Variants in RABGAP1L observed in about 807,000 individuals in gnomAD.
RABGAP1L encodes the protein rab GTPase-activating protein 1-like.
A neutral mutation model predicts 137.7 loss-of-function variants in RABGAP1L; 63 were observed. The ratio of observed to expected loss-of-function variants is 0.46; its 90% CI spans 0.37 to 0.56. The LOEUF is 0.56. Among genes scored for constraint, RABGAP1L ranks in the 20% least tolerant of loss-of-function variants. The pLI, the probability that RABGAP1L is intolerant of heterozygous loss-of-function variation, is 0.00. For missense variants in RABGAP1L, 1,095 were observed against 1,244.0 expected, an observed-to-expected ratio of 0.88 and a Z score of 1.80; for synonymous variants, 431 against 433.7, an observed-to-expected ratio of 0.99 and a Z score of 0.08.
chr1:174,273,783 G>C (rs1018469253), intron 8 of RABGAP1L, among the ~76,000 whole-genome samples: 1 of 152,088 alleles, frequency 6.6e-6, no homozygotes, highest in African/African-American at 2.4e-5. Context: ...CAGAATTATA[G>C]AACTGGTATA....
chr1:174,508,474 T>C (rs1416507326), intron 13 of RABGAP1L, among the ~76,000 whole-genome samples: 2 of 152,186 alleles, frequency 1.3e-5, no homozygotes, highest in South Asian at 2.1e-4. Flanking sequence ...TTCTGCCATG[T>C]TCTTTTTGGA....
intron 13 of RABGAP1L, among the ~76,000 whole-genome samples, chr1:174,577,589 AAAT>A: frequency 6.6e-6 from 1 of 152,240 alleles, no homozygotes; most frequent in Admixed American, 6.5e-5. Flanking sequence ...CAGTCATTGG[AAAT>A]AATATGGCCA....
chr1:174,924,792 C>G (rs986461533), intron 19 of RABGAP1L, among the ~76,000 whole-genome samples: 1 of 152,078 alleles, frequency 6.6e-6, no homozygotes, highest in African/African-American at 2.4e-5. Context: ...CTATTACAGA[C>G]CCCGAGAATT....
chr1:174,616,022 T>C (rs772214698), intron 13 of RABGAP1L, among the ~76,000 whole-genome samples: 21 of 152,128 alleles, frequency 1.4e-4, no homozygotes, highest in Non-Finnish European at 8.8e-5. Context: ...CCTGACCCCT[T>C]GCACTTCCTG....
At chr1:174,606,961 A>C (rs1226387091) in intron 13 of RABGAP1L, among the ~76,000 whole-genome samples, 1 of 152,222 alleles carries the variant, frequency 6.6e-6, no homozygotes, top group Non-Finnish European at 1.5e-5. Flanking sequence ...ATCAAGAATA[A>C]AACCCAAGTA....
chr1:174,808,032 G>T (rs375338497), intron 18 of RABGAP1L, among the ~76,000 whole-genome samples: 110 of 148,284 alleles, frequency 7.4e-4, no homozygotes, highest in Non-Finnish European at 7.1e-4. Flanking sequence ...AGGCTGGAGT[G>T]CAGTGCAGTG....
chr1:174,748,038 T>G (rs1292728265), intron 17 of RABGAP1L, among the ~76,000 whole-genome samples: 1 of 152,192 alleles, frequency 6.6e-6, no homozygotes, highest in Admixed American at 6.6e-5. Context: ...CCAAACTAAC[T>G]GGAAGTATGT....
At chr1:174,527,206 T>A (rs868631029) in intron 13 of RABGAP1L, among the ~76,000 whole-genome samples, 2,970 of 75,480 alleles carry the variant, frequency 0.039, 105 homozygotes, top group African/African-American at 0.22. Context: ...TTTATTTTGT[T>A]TTTTTTTTTT....
At chr1:174,362,175 G>T (rs1684206118) in intron 11 of RABGAP1L, among the ~76,000 whole-genome samples, 1 of 152,084 alleles carries the variant, frequency 6.6e-6, no homozygotes, top group Non-Finnish European at 1.5e-5. Flanking sequence ...TCTTTATCCA[G>T]TCTATCATTG....
intron 13 of RABGAP1L, among the ~76,000 whole-genome samples, chr1:174,589,623 C>T (rs563475647): frequency 3.3e-5 from 5 of 152,012 alleles, no homozygotes; most frequent in Non-Finnish European, 7.4e-5. Context: ...TCCACTTTTA[C>T]TTGATTTTTA....
chr1:174,260,674 G>A (rs540986575), intron 7 of RABGAP1L, among the ~76,000 whole-genome samples: 1 of 152,296 alleles, frequency 6.6e-6, no homozygotes, highest in Admixed American at 6.5e-5. Flanking sequence ...ACCACATACA[G>A]AAATATTGCA....
intron 1 of RABGAP1L, among the ~76,000 whole-genome samples, chr1:174,179,730 GTAT>G (rs1666201076): frequency 6.6e-6 from 1 of 152,178 alleles, no homozygotes; most frequent in Admixed American, 6.5e-5. Context: ...TAATGTCTCA[GTAT>G]TATTAGGAAA....
At chr1:174,430,366 A>G (rs1395761789) in intron 13 of RABGAP1L, among the ~76,000 whole-genome samples, 1 of 152,020 alleles carries the variant, frequency 6.6e-6, no homozygotes, top group Non-Finnish European at 1.5e-5. Context: ...TGAAAAAAAA[A>G]AAAAAATTTT....
At chr1:174,920,798 C>CA (rs1661666179) in intron 19 of RABGAP1L, among the ~76,000 whole-genome samples, 1 of 152,208 alleles carries the variant, frequency 6.6e-6, no homozygotes, top group Non-Finnish European at 1.5e-5. Context: ...TGGCCATCTA[C>CA]AAGCCACGAA....
At chr1:174,296,819 G>A (rs1234753847) in intron 10 of RABGAP1L, among the ~76,000 whole-genome samples, 1 of 151,986 alleles carries the variant, frequency 6.6e-6, no homozygotes, top group African/African-American at 2.4e-5. Context: ...GATTTAATGG[G>A]CTATTATTTC....
At chr1:174,750,216 TG>T (rs1301044175) in intron 17 of RABGAP1L, among the ~76,000 whole-genome samples, 2 of 152,226 alleles carry the variant, frequency 1.3e-5, no homozygotes, top group African/African-American at 4.8e-5. Context: ...CGTTGGAATT[TG>T]GTATCTTATT....
chr1:174,861,078 T>C (rs1650182843), intron 19 of RABGAP1L, among the ~76,000 whole-genome samples: 1 of 152,180 alleles, frequency 6.6e-6, no homozygotes, highest in Admixed American at 6.5e-5. Context: ...TTTGGGCCCT[T>C]TGAGCAACAT....
At chr1:174,374,459 A>G (rs1205217414) in intron 12 of RABGAP1L, among the ~76,000 whole-genome samples, 1 of 152,176 alleles carries the variant, frequency 6.6e-6, no homozygotes, top group Non-Finnish European at 1.5e-5. Context: ...ATAGCAAAAT[A>G]CACAACACCT....
At chr1:174,496,236 A>G (rs1478929809) in intron 13 of RABGAP1L, among the ~76,000 whole-genome samples, 1 of 152,238 alleles carries the variant, frequency 6.6e-6, no homozygotes, top group African/African-American at 2.4e-5. Context: ...TTGCCACATT[A>G]GAAGGAAAAT....
Sources: allele counts gnomAD v4.1 joint callset (sites outside exome capture counted in the v4.1 genomes callset), GRCh38; gene constraint gnomAD v4.1.1; transcripts MANE v1.5; gene names NCBI Gene and HGNC (gene_info 2026-07-23, HGNC 2026-07-21).